Variants in TENM3 observed in about 807,000 individuals in gnomAD.
TENM3 encodes teneurin-3.
A neutral mutation model predicts 255.1 loss-of-function variants in TENM3; 63 were observed. The observed-to-expected ratio is 0.25, with a 90% confidence interval of 0.20 to 0.30. TENM3 has a LOEUF of 0.30. Among genes scored for constraint, TENM3 ranks in the 10% least tolerant of loss-of-function variants. The pLI is 1.00. For synonymous variants in TENM3, 1,306 were observed against 1,322.3 expected, an observed-to-expected ratio of 0.99 and a Z score of 0.27; for missense variants, 2,929 against 3,461.1, an observed-to-expected ratio of 0.85 and a Z score of 3.86.
At chr4:181,906,745 C>T in the TENM3 span, among the ~76,000 whole-genome samples, 1 of 152,148 alleles carries the variant, frequency 6.6e-6, no homozygotes, top group Non-Finnish European at 1.5e-5. Flanking sequence ...ATGGGTCTTG[C>T]TATGTTTCCC....
the TENM3 span, among the ~76,000 whole-genome samples, chr4:181,668,669 C>T: frequency 6.6e-6 from 1 of 152,110 alleles, no homozygotes; most frequent in Non-Finnish European, 1.5e-5. Context: ...GACCTCATCT[C>T]AACTACCTGC....
intron 3 of TENM3, 64 bp from the exon 4 acceptor site, chr4:182,600,860 T>G: frequency 1.2e-6 from 1 of 824,180 alleles, no homozygotes; most frequent in African/African-American, 2.0e-5. Flanking sequence ...ATTGGTAGTG[T>G]GTATATACAT....
intron 25 of TENM3, among the ~76,000 whole-genome samples, chr4:182,790,708 G>A (rs1766036645): frequency 6.6e-6 from 1 of 152,322 alleles, no homozygotes; most frequent in Non-Finnish European, 1.5e-5. Context: ...TTCTAAGTGG[G>A]AGAGGATCAT....
chr4:182,081,371 G>A, the TENM3 span, among the ~76,000 whole-genome samples: 1 of 151,918 alleles, frequency 6.6e-6, no homozygotes, highest in African/African-American at 2.4e-5. Flanking sequence ...GGATCACAAG[G>A]TCAGGAGTTC....
At chr4:182,556,019 C>G (rs72701945) in intron 3 of TENM3, among the ~76,000 whole-genome samples, 2,339 of 152,234 alleles carry the variant, frequency 0.015, 23 homozygotes, top group Non-Finnish European at 0.026. Context: ...TAGTCTCTTT[C>G]TCTGACCAAA....
chr4:181,692,318 T>A, the TENM3 span, among the ~76,000 whole-genome samples: 1 of 152,204 alleles, frequency 6.6e-6, no homozygotes, highest in Non-Finnish European at 1.5e-5. Context: ...TGTCTTACAC[T>A]CTATCATTTC....
At chr4:182,299,345 T>TA in intron 1 of TENM3, among the ~76,000 whole-genome samples, 1 of 152,300 alleles carries the variant, frequency 6.6e-6, no homozygotes, top group African/African-American at 2.4e-5. Context: ...AAACAACTCT[T>TA]ACAATTTCAT....
intron 12 of TENM3, among the ~76,000 whole-genome samples, chr4:182,689,595 C>A (rs1029560295): frequency 2.6e-5 from 4 of 152,176 alleles, no homozygotes; most frequent in African/African-American, 4.8e-5. Flanking sequence ...AAGACACATC[C>A]GGCAGAGTCT....
At chr4:181,490,144 TTTG>T in the TENM3 span, among the ~76,000 whole-genome samples, 1 of 152,222 alleles carries the variant, frequency 6.6e-6, no homozygotes, top group Admixed American at 6.5e-5. Flanking sequence ...ACCTCAAGCA[TTTG>T]TTATTTCTTT....
intron 1 of TENM3, chr4:182,169,472 T>C: frequency 3.0e-6 from 1 of 329,074 alleles, no homozygotes. Flanking sequence ...TACTACCACC[T>C]AAAATATGAA....
At chr4:181,985,344 G>A in the TENM3 span, among the ~76,000 whole-genome samples, 3 of 150,918 alleles carry the variant, frequency 2.0e-5, no homozygotes, top group African/African-American at 7.3e-5. Context: ...GACTAATGTA[G>A]AAATCTCAGG....
At chr4:181,945,087 T>G in the TENM3 span, among the ~76,000 whole-genome samples, 1 of 149,100 alleles carries the variant, frequency 6.7e-6, no homozygotes, top group Admixed American at 6.7e-5. Context: ...AAACTACCAC[T>G]TCACTTCCGG....
chr4:182,479,332 G>GT (rs1733973250), intron 3 of TENM3, among the ~76,000 whole-genome samples: 1 of 151,710 alleles, frequency 6.6e-6, no homozygotes, highest in Admixed American at 6.6e-5. Flanking sequence ...GTCAGGCTAC[G>GT]TTTTTATATT....
At chr4:181,887,765 C>G in the TENM3 span, among the ~76,000 whole-genome samples, 1 of 152,298 alleles carries the variant, frequency 6.6e-6, no homozygotes, top group Admixed American at 6.5e-5. Context: ...CGAGATGCAG[C>G]TTCAAAATGG....
the TENM3 span, among the ~76,000 whole-genome samples, chr4:181,930,151 A>G: frequency 6.6e-6 from 1 of 152,206 alleles, no homozygotes; most frequent in African/African-American, 2.4e-5. Context: ...AAAGCTAACA[A>G]AAACAAGAAA....
At chr4:182,001,637 A>AT in the TENM3 span, among the ~76,000 whole-genome samples, 2 of 152,148 alleles carry the variant, frequency 1.3e-5, no homozygotes, top group African/African-American at 4.8e-5. Flanking sequence ...TCTGAAAAAA[A>AT]ATATATAATC....
At chr4:182,632,346 A>T (rs967869232) in intron 5 of TENM3, among the ~76,000 whole-genome samples, 4 of 152,204 alleles carry the variant, frequency 2.6e-5, no homozygotes, top group African/African-American at 9.6e-5. Flanking sequence ...TGTACCACAG[A>T]GTAGGCATGT....
At chr4:181,857,696 T>C in the TENM3 span, among the ~76,000 whole-genome samples, 1 of 151,646 alleles carries the variant, frequency 6.6e-6, no homozygotes, top group African/African-American at 2.4e-5. Context: ...AGGCAGAGGT[T>C]GCAGTGAGCT....
chr4:182,438,902 A>T (rs1772246052), intron 3 of TENM3, among the ~76,000 whole-genome samples: 1 of 152,232 alleles, frequency 6.6e-6, no homozygotes, highest in Admixed American at 6.5e-5. Flanking sequence ...CAAAAATAAC[A>T]TAGTTCTACA....
Sources: gnomAD v4.1 joint callset for allele counts (sites outside exome capture counted in the v4.1 genomes callset) on GRCh38, gnomAD v4.1.1 for gene constraint, MANE v1.5 for transcripts, NCBI Gene and HGNC (gene_info 2026-07-23, HGNC 2026-07-21) for gene names.